UNC5A: variants seen among roughly 807,000 people sequenced by gnomAD.
UNC5A encodes the protein unc-5 netrin receptor A, also known as netrin receptor UNC5A.
A neutral mutation model predicts 87.4 loss-of-function variants in UNC5A; 20 were observed. The ratio of observed to expected loss-of-function variants is 0.23; its 90% CI spans 0.16 to 0.33. UNC5A has a LOEUF of 0.33. Ranked by LOEUF, UNC5A falls within the 10% of genes least tolerant of loss-of-function variation. The pLI, the probability that UNC5A is intolerant of heterozygous loss-of-function variation, is 1.00. For synonymous variants in UNC5A, 438 were observed against 482.3 expected, an observed-to-expected ratio of 0.91 and a Z score of 1.20; for missense variants, 844 against 1,133.4, an observed-to-expected ratio of 0.74 and a Z score of 3.67.
At position 176,824,552 on chromosome 5, in the gene UNC5A, A is replaced by C. The variant is rs1235025201; in HGVS notation, c.70+13732A>C. Among the ~76,000 whole-genome samples, 1 of 151,906 alleles carries C rather than the reference A, an allele frequency of 6.6e-6. No homozygotes were observed. Among genetic ancestry groups the C allele is most frequent in the East Asian group, 1.9e-4 (1 of 5,186 alleles). ...TTAGCCCCCACGCGGCAGATAGAAC[A>C]TTCTAAAAAAAAAAGAGAGAAAGAG... is the stretch of plus-strand genomic sequence containing the variant. On this transcript the variant is annotated intron_variant, in intron 1 of 14. Transcript: ENST00000329542. The surrounding 1 kb of genome is among the most constrained non-coding windows in gnomAD (Gnocchi z 4.2).
At chr5:176,855,974 G>A (rs954530715) in intron 1 of UNC5A, among the ~76,000 whole-genome samples, 4 of 152,160 alleles carry the variant, frequency 2.6e-5, no homozygotes, top group South Asian at 4.1e-4. Context: ...TCTGCAGGGC[G>A]GACGGCGCCC....
intron 1 of UNC5A, among the ~76,000 whole-genome samples, chr5:176,854,478 G>A (rs906787694): frequency 5.3e-5 from 8 of 152,178 alleles, no homozygotes; most frequent in Admixed American, 2.6e-4. Context: ...CTGCAAGCCC[G>A]GCTGAGCCAC....
intron 13 of UNC5A, 140 bp downstream of exon 13, chr5:176,878,779 C>A (rs1351546559): frequency 8.8e-7 from 1 of 1,138,854 alleles, no homozygotes; most frequent in South Asian, 1.6e-5. Flanking sequence ...CTCCTAGAAA[C>A]CCCTTGGCAG....
Position 176,869,088 on chromosome 5 carries a change from T to TC in UNC5A, c.721+124_721+125insC. The TC allele has an allele frequency of 5.4e-6, 6 of 1,106,356 alleles. No individual in the cohort carries two copies. Among genetic ancestry groups the TC allele is most frequent in the Non-Finnish European group, 6.3e-6 (5 of 799,648 alleles). The allele number at this position is 1,106,356 out of a possible 1,614,324, so 68.5% of individuals were successfully genotyped here. On this transcript the variant is annotated intron_variant, in intron 5 of 14. Coordinates refer to ENST00000329542, the MANE Select transcript of UNC5A (RefSeq NM_133369.3). This position sits in a 1 kb window ranked among gnomAD's most constrained non-coding sequence, Gnocchi z 9.1. Reference sequence around the variant, plus strand: ...CCAGGTGGACCAGATCGTGCCTGACTAGGCAGGATAAGCAAAGGGCTCTCT... The same window carrying TC: ...CCAGGTGGACCAGATCGTGCCTGACTCAGGCAGGATAAGCAAAGGGCTCTCT...
intron 1 of UNC5A, among the ~76,000 whole-genome samples, chr5:176,850,102 C>T (rs927574997): frequency 3.9e-5 from 6 of 152,242 alleles, no homozygotes; most frequent in African/African-American, 1.4e-4. Context: ...TGCAGCCCCA[C>T]GTCCCCCAGT....
At chr5:176,839,676 A>G (rs1757225606) in intron 1 of UNC5A, among the ~76,000 whole-genome samples, 1 of 152,072 alleles carries the variant, frequency 6.6e-6, no homozygotes, top group African/African-American at 2.4e-5. Context: ...ATGTGCAGGG[A>G]GTGGGTGATC....
At chr5:176,862,189 C>A (rs976148142) in intron 1 of UNC5A, among the ~76,000 whole-genome samples, 2 of 152,310 alleles carry the variant, frequency 1.3e-5, no homozygotes, top group Middle Eastern at 3.4e-3. Context: ...GAAGCAGGGC[C>A]CCAGAGGCGG....
chr5:176,842,426 C>G (rs1260988833), intron 1 of UNC5A, among the ~76,000 whole-genome samples: 1 of 151,970 alleles, frequency 6.6e-6, no homozygotes, highest in East Asian at 1.9e-4. Context: ...TATAGCAGCA[C>G]AATTCACAAT....
In UNC5A at chr5:176,824,537, C is replaced by T. The variant is rs1173524178; in HGVS notation, c.70+13717C>T. On this transcript the variant is annotated intron_variant, in intron 1 of 14. Coordinates refer to ENST00000329542, the MANE Select transcript of UNC5A (RefSeq NM_133369.3). The surrounding 1 kb of genome is among the most constrained non-coding windows in gnomAD (Gnocchi z 4.2). ...CAGCAGGCAGGGCATTTAGCCCCCA[C>T]GCGGCAGATAGAACATTCTAAAAAA... Among the ~76,000 whole-genome samples the T allele has an allele frequency of 6.6e-6, 1 of 151,740 alleles. No individual in the cohort carries two copies. Among genetic ancestry groups the T allele is most frequent in the Non-Finnish European group, 1.5e-5 (1 of 67,948 alleles).
rs117764250 is a variant in UNC5A, at chr5:176,812,589, G to A, written c.70+1769G>A. ...AGGTACCGGTGAAGCAGGGTGCTGC[G>A]GCCTGGAGCGGGGGGTTGCCACAGG... On this transcript the variant is annotated intron_variant, in intron 1 of 14. Coordinates refer to ENST00000329542, the MANE Select transcript of UNC5A (RefSeq NM_133369.3). 1.6e-4 allele frequency among the ~76,000 whole-genome samples: 24 copies of A among 152,288 alleles called. No individual in the cohort carries two copies. In the East Asian group the frequency reaches 3.1e-3, roughly 20 times the overall value.
intron 1 of UNC5A, among the ~76,000 whole-genome samples, chr5:176,855,718 A>C (rs1757651302): frequency 6.6e-6 from 1 of 152,212 alleles, no homozygotes; most frequent in Non-Finnish European, 1.5e-5. Flanking sequence ...CGGACATCCG[A>C]GCACCTGTAG....
At position 176,838,708 on chromosome 5, in the gene UNC5A, G is replaced by A. The variant is rs1757200834; in HGVS notation, c.71-23916G>A. 6.6e-6 allele frequency among the ~76,000 whole-genome samples: 1 copy of A among 152,198 alleles called. No homozygotes were observed. Among genetic ancestry groups the A allele is most frequent in the Non-Finnish European group, 1.5e-5 (1 of 68,040 alleles). ...CTACACTCTCCCTGTCTTGGTACTG[G>A]GATGACTGCAGCAGCACAGCCCTCA... On this transcript the variant is annotated intron_variant, in intron 1 of 14. Transcript: ENST00000329542. This position sits in a 1 kb window ranked among gnomAD's most constrained non-coding sequence, Gnocchi z 4.2.
At position 176,865,550 on chromosome 5, in the gene UNC5A, A is replaced by G. The variant is rs998512662; in HGVS notation, c.293-2580A>G. Reference sequence around the variant, plus strand: ...CCCGAGCATCCGACTCCAGCCTCCCATGGCCGGAACATCTGAACGTTCATT... The same window carrying G: ...CCCGAGCATCCGACTCCAGCCTCCCGTGGCCGGAACATCTGAACGTTCATT... On this transcript the variant is annotated intron_variant, in intron 2 of 14. Transcript: ENST00000329542. This position sits in a 1 kb window ranked among gnomAD's most constrained non-coding sequence, Gnocchi z 5.3. 2.2e-6 allele frequency: 1 copy of G among 456,150 alleles called. No homozygotes were observed. The highest frequency in any genetic ancestry group is 2.4e-5 in the Admixed American group (1 of 42,550). The allele number at this position is 456,150 out of a possible 1,614,324, so 28.3% of individuals were successfully genotyped here.
chr5:176,836,935 C>T (rs1370830547), intron 1 of UNC5A, among the ~76,000 whole-genome samples: 1 of 152,198 alleles, frequency 6.6e-6, no homozygotes, highest in Admixed American at 6.5e-5. Context: ...GAGGCATCTT[C>T]CTCTCTGATG....
chr5:176,866,047 G>T lies in UNC5A; in HGVS notation c.293-2083G>T, dbSNP rs895830470. On this transcript the variant is annotated intron_variant, in intron 2 of 14. Transcript: ENST00000329542. This position sits in a 1 kb window ranked among gnomAD's most constrained non-coding sequence, Gnocchi z 5.0. ...AGGTGAGAACCGAAGTGCCAGCTTG[G>T]CCTCAGAGCCCCAGCTAGAAACCCT... is the stretch of plus-strand genomic sequence containing the variant. Among the ~76,000 whole-genome samples the T allele has an allele frequency of 2.0e-5, 3 of 152,208 alleles. No individual in the cohort carries two copies. Among genetic ancestry groups the T allele is most frequent in the Non-Finnish European group, 4.4e-5 (3 of 68,034 alleles).
chr5:176,852,519 T>C (rs1292279297), intron 1 of UNC5A, among the ~76,000 whole-genome samples: 2 of 152,256 alleles, frequency 1.3e-5, no homozygotes, highest in East Asian at 3.8e-4. Flanking sequence ...TTGCAGCTTA[T>C]TAAGTTCTAA....
At chr5:176,821,212 C>T (rs1435250527) in intron 1 of UNC5A, among the ~76,000 whole-genome samples, 5 of 152,210 alleles carry the variant, frequency 3.3e-5, no homozygotes, top group African/African-American at 7.2e-5. Flanking sequence ...GCTCTGCTTC[C>T]GAGCGTGGTT....
intron 1 of UNC5A, among the ~76,000 whole-genome samples, chr5:176,830,670 G>T (rs576891477): frequency 2.0e-5 from 3 of 148,550 alleles, no homozygotes; most frequent in African/African-American, 7.5e-5. Context: ...GTGCTGGTGT[G>T]TGTGGGAGTG....
chr5:176,830,588 T>C lies in UNC5A; in HGVS notation c.70+19768T>C, dbSNP rs979091818. 3.2e-4 allele frequency among the ~76,000 whole-genome samples: 34 copies of C among 107,818 alleles called. 1 individual carries two copies. Among genetic ancestry groups the C allele is most frequent in the Non-Finnish European group, 5.1e-4 (27 of 53,146 alleles). 70.7% of individuals were successfully genotyped at this position (107,818 alleles called of 152,430 possible). A position where few individuals can be genotyped will look rare whatever the true frequency, so the allele number is the denominator to read the frequency against. ...TGTGTGTGTGTGTGTGTGCGCGTGC[T>C]GGTGTGTGCATGCTGGTGTGTGTGT... On this transcript the variant is annotated intron_variant, in intron 1 of 14. Coordinates refer to ENST00000329542, the MANE Select transcript of UNC5A (RefSeq NM_133369.3).
Sources: allele counts gnomAD v4.1 joint callset (sites outside exome capture counted in the v4.1 genomes callset), GRCh38; gene constraint gnomAD v4.1.1; non-coding constraint Gnocchi (gnomAD v3.1); transcripts MANE v1.5; gene names NCBI Gene and HGNC (gene_info 2026-07-23, HGNC 2026-07-21).